The following ADAMTS20 variants were observed in gnomAD, a reference collection of about 807,000 sequenced individuals.
ADAMTS20 encodes the protein ADAM metallopeptidase with thrombospondin type 1 motif 20, also known as A disintegrin and metalloproteinase with thrombospondin motifs 20.
In ADAMTS20, 225 loss-of-function variants were observed where a neutral mutation model predicts 260.1. That is an observed-to-expected ratio of 0.87 (90% CI 0.78 to 0.97). The LOEUF (loss-of-function observed/expected upper bound fraction) is 0.97. Ranked by LOEUF, ADAMTS20 falls within the 50% of genes least tolerant of loss-of-function variation. The pLI is 0.00. For missense variants in ADAMTS20, 2,400 were observed against 2,337.7 expected (o/e 1.03, Z -0.55); for synonymous variants, 802 against 769.5 (o/e 1.04, Z -0.70).
chr12:43,537,350 C>A (rs187399499), intron 2 of ADAMTS20, among the ~76,000 whole-genome samples: 39 of 152,044 alleles, frequency 2.6e-4, no homozygotes, highest in African/African-American at 8.9e-4. Flanking sequence ...CCACCACACC[C>A]GGCCCTTACT....
intron 11 of ADAMTS20, among the ~76,000 whole-genome samples, chr12:43,455,857 C>T (rs1051655689): frequency 1.5e-4 from 23 of 152,116 alleles, no homozygotes; most frequent in East Asian, 5.8e-4. Context: ...TACAGGCGCA[C>T]GCCACCACAA....
Position 43,467,780 on chromosome 12 carries a change from C to T in ADAMTS20, c.1223+820G>A, listed in dbSNP as rs111506067. Among the ~76,000 whole-genome samples, 23 of 152,192 alleles carry T rather than the reference C, an allele frequency of 1.5e-4. 1 individual carries two copies. Among genetic ancestry groups the T allele is most frequent in the African/African-American group, 3.1e-4 (13 of 41,552 alleles). On this transcript the variant is annotated intron_variant, in intron 8 of 38. Transcript: ENST00000389420. ...GCAAAAAGGGAACTGAAGAGATGAT[C>T]GTTTACTAAAAATTATCTCCATTTG...
chr12:43,469,239 A>T (rs757768299), intron 7 of ADAMTS20, among the ~76,000 whole-genome samples: 7 of 152,172 alleles, frequency 4.6e-5, no homozygotes, highest in Non-Finnish European at 8.8e-5. Context: ...TAAATAAAAT[A>T]AAACGAGTTT....
chr12:43,543,856 C>A (rs571900261), intron 2 of ADAMTS20, among the ~76,000 whole-genome samples: 1 of 152,010 alleles, frequency 6.6e-6, no homozygotes, highest in Non-Finnish European at 1.5e-5. Flanking sequence ...TTTGCGTCAC[C>A]TTTGGGCTGA....
intron 22 of ADAMTS20, 107 bp downstream of exon 22, chr12:43,431,225 C>T: frequency 8.3e-7 from 1 of 1,209,988 alleles, no homozygotes; most frequent in Non-Finnish European, 1.1e-6. Flanking sequence ...TTTAATAAAC[C>T]AAGCCAAATT....
At chr12:43,517,162 G>A (rs1194562102) in intron 3 of ADAMTS20, among the ~76,000 whole-genome samples, 3 of 151,854 alleles carry the variant, frequency 2.0e-5, no homozygotes, top group Non-Finnish European at 4.4e-5. Context: ...AATGAGGCAA[G>A]GATTTTTGTT....
Position 43,398,743 on chromosome 12 carries a change from G to T in ADAMTS20, c.4452+323C>A, listed in dbSNP as rs1290022707. ...TCAAATGACTAGGCTGGGCACAGTG[G>T]CTCACGTCTGTAATCCCAGCACTTT... is the stretch of plus-strand genomic sequence containing the variant. On this transcript the variant is annotated intron_variant, in intron 29 of 38. Coordinates refer to ENST00000389420, the MANE Select transcript of ADAMTS20 (RefSeq NM_025003.5). 2.6e-5 allele frequency among the ~76,000 whole-genome samples: 4 copies of T among 152,108 alleles called. No individual in the cohort carries two copies. In the East Asian group the frequency reaches 5.8e-4, roughly 22 times the overall value.
intron 7 of ADAMTS20, among the ~76,000 whole-genome samples, chr12:43,480,660 T>C (rs79726550): frequency 1.3e-4 from 20 of 152,304 alleles, no homozygotes; most frequent in Non-Finnish European, 2.8e-4. Flanking sequence ...TGCAACAGCA[T>C]GGATGAATCT....
chr12:43,407,505 A>G (rs183202562), intron 28 of ADAMTS20, among the ~76,000 whole-genome samples: 1 of 151,824 alleles, frequency 6.6e-6, no homozygotes, highest in East Asian at 1.9e-4. Context: ...TATTTTCTAT[A>G]TTATAACTTT....
At chr12:43,360,721 A>G (rs1172734567) in intron 37 of ADAMTS20, among the ~76,000 whole-genome samples, 1 of 152,194 alleles carries the variant, frequency 6.6e-6, no homozygotes, top group East Asian at 1.9e-4. Context: ...GGAAAAATCA[A>G]CATACCACTT....
chr12:43,491,238 A>T (rs1264994443), intron 6 of ADAMTS20, among the ~76,000 whole-genome samples: 1 of 152,160 alleles, frequency 6.6e-6, no homozygotes, highest in East Asian at 1.9e-4. Context: ...GTACAGTAAC[A>T]TACTGTACAG....
intron 28 of ADAMTS20, among the ~76,000 whole-genome samples, chr12:43,409,049 TGA>T (rs75464429): frequency 0.022 from 3,415 of 152,224 alleles, 58 homozygotes; most frequent in East Asian, 0.084. Flanking sequence ...TCTCAAATCC[TGA>T]GTGTGTTTTT....
At chr12:43,425,426 G>T (rs1465253109) in intron 28 of ADAMTS20, 88 bp downstream of exon 28, 2 of 1,171,218 alleles carry the variant, frequency 1.7e-6, no homozygotes, top group East Asian at 3.0e-5. Flanking sequence ...TAAAATAAAA[G>T]TCGAAGAAAA....
intron 27 of ADAMTS20, 57 bp from the exon 28 acceptor site, chr12:43,425,747 C>T (rs1941321085): frequency 8.4e-7 from 1 of 1,188,314 alleles, no homozygotes; most frequent in Non-Finnish European, 1.1e-6. Context: ...TAATGTATTG[C>T]TTCATTCAAT....
chr12:43,514,791 A>T (rs984027513), intron 3 of ADAMTS20, among the ~76,000 whole-genome samples: 8 of 152,148 alleles, frequency 5.3e-5, no homozygotes, highest in Non-Finnish European at 8.8e-5. Context: ...AATTAAATAT[A>T]TACTCTAGCA....
intron 28 of ADAMTS20, among the ~76,000 whole-genome samples, chr12:43,403,358 T>C (rs1940849554): frequency 6.6e-6 from 1 of 152,170 alleles, no homozygotes; most frequent in African/African-American, 2.4e-5. Flanking sequence ...AAAATTCATT[T>C]AGTTTCAGTT....
chr12:43,512,832 T>C (rs1384734669), intron 3 of ADAMTS20, among the ~76,000 whole-genome samples: 1 of 152,214 alleles, frequency 6.6e-6, no homozygotes, highest in Non-Finnish European at 1.5e-5. Flanking sequence ...AATATATGAA[T>C]TCAGATTTCT....
chr12:43,405,032 T>C (rs572999150), intron 28 of ADAMTS20, among the ~76,000 whole-genome samples: 1 of 151,798 alleles, frequency 6.6e-6, no homozygotes, highest in Non-Finnish European at 1.5e-5. Flanking sequence ...GAACTAGAAG[T>C]ATCTTACAAC....
intron 7 of ADAMTS20, among the ~76,000 whole-genome samples, chr12:43,483,998 C>T (rs1431215145): frequency 6.6e-6 from 1 of 152,064 alleles, no homozygotes; most frequent in Non-Finnish European, 1.5e-5. Flanking sequence ...ACCCATAGAC[C>T]CACCACATCA....
Sources: allele counts gnomAD v4.1 joint callset (sites outside exome capture counted in the v4.1 genomes callset), GRCh38; gene constraint gnomAD v4.1.1; transcripts MANE v1.5; gene names NCBI Gene and HGNC (gene_info 2026-07-23, HGNC 2026-07-21).